Variants in FARS2 observed in about 807,000 individuals in gnomAD.
FARS2 encodes phenylalanyl-tRNA synthetase 2, mitochondrial, also known as phenylalanine--tRNA ligase, mitochondrial.
In FARS2, 40 loss-of-function variants were observed where a neutral mutation model predicts 46.4. The observed-to-expected ratio is 0.86, with a 90% CI of 0.67 to 1.12. The LOEUF (loss-of-function observed/expected upper bound fraction) is 1.12, where lower values mean the gene tolerates loss of function less well. Among genes scored for constraint, FARS2 ranks in the 50% most tolerant of loss-of-function variants. The pLI, the probability that FARS2 is intolerant of heterozygous loss-of-function variation, is 0.00. For synonymous variants in FARS2, 234 were observed against 214.9 expected, an observed-to-expected ratio of 1.09 and a Z score of -0.78; for missense variants, 513 against 567.9, an observed-to-expected ratio of 0.90 and a Z score of 0.98.
At position 5,517,959 on chromosome 6, in the gene FARS2, A is replaced by G. The variant is rs368533529; in HGVS notation, c.905-27221A>G. On this transcript the variant is annotated intron_variant, in intron 4 of 6. Transcript: ENST00000274680. ...ATACAGGAAGATGTGGTAGGAGTTG[A>G]CGGTTCAGAGAGTGGCAGAAATTAG... Among the ~76,000 whole-genome samples, 32 of 152,310 alleles carry G rather than the reference A, an allele frequency of 2.1e-4. 1 individual carries two copies. The South Asian group carries it at 4.6e-3, about 22-fold the overall frequency.
chr6:5,437,241 A>G (rs1390590282), intron 4 of FARS2, among the ~76,000 whole-genome samples: 1 of 152,158 alleles, frequency 6.6e-6, no homozygotes. Context: ...CTGTGTATCA[A>G]TTTATTCCTT....
At chr6:5,332,074 T>G (rs1458510370) in intron 1 of FARS2, among the ~76,000 whole-genome samples, 1 of 152,212 alleles carries the variant, frequency 6.6e-6, no homozygotes. Flanking sequence ...GACAGGAAAC[T>G]AAATCCCTGA....
intron 1 of FARS2, among the ~76,000 whole-genome samples, chr6:5,313,139 T>G (rs991333735): frequency 6.6e-6 from 1 of 152,188 alleles, no homozygotes; most frequent in Admixed American, 6.5e-5. Flanking sequence ...TTTACACATA[T>G]AGTGGTTCAT....
chr6:5,262,360 C>G (rs1027801076), intron 1 of FARS2, among the ~76,000 whole-genome samples: 5 of 152,116 alleles, frequency 3.3e-5, no homozygotes, highest in African/African-American at 1.2e-4. Context: ...CTCACTGCAA[C>G]CTATGCCTCC....
intron 4 of FARS2, among the ~76,000 whole-genome samples, chr6:5,543,376 G>GTT (rs1224288643): frequency 6.2e-5 from 6 of 96,196 alleles, no homozygotes; most frequent in Non-Finnish European, 6.6e-5. Flanking sequence ...TGTTGGTGGT[G>GTT]GTTTTTTTTT....
intron 6 of FARS2, among the ~76,000 whole-genome samples, chr6:5,652,388 A>G (rs1777411058): frequency 6.6e-6 from 1 of 152,246 alleles, no homozygotes; most frequent in Non-Finnish European, 1.5e-5. Context: ...GAACTTTGAT[A>G]AAAATAAAAG....
At chr6:5,330,770 G>C (rs1770744721) in intron 1 of FARS2, among the ~76,000 whole-genome samples, 1 of 152,166 alleles carries the variant, frequency 6.6e-6, no homozygotes, top group Admixed American at 6.5e-5. Context: ...TATGTAGTTT[G>C]TAAATTCTAC....
intron 6 of FARS2, among the ~76,000 whole-genome samples, chr6:5,692,031 C>G (rs529973806): frequency 1.4e-4 from 21 of 152,340 alleles, no homozygotes; most frequent in Admixed American, 6.5e-4. Flanking sequence ...GCTAAGACCA[C>G]TGGAAAAGCA....
chr6:5,707,906 T>C (rs537584048), intron 6 of FARS2, among the ~76,000 whole-genome samples: 1 of 152,240 alleles, frequency 6.6e-6, no homozygotes, highest in East Asian at 1.9e-4. Context: ...GGTGCCGCCG[T>C]GGGAGCCCGG....
rs151052077 is a variant in FARS2, at chr6:5,435,505, G to A, written c.904+4333G>A. Among the ~76,000 whole-genome samples the A allele has an allele frequency of 7.9e-5, 12 of 152,330 alleles. No individual in the cohort carries two copies. The East Asian group carries it at 1.9e-3, about 24-fold the overall frequency. On this transcript the variant is annotated intron_variant, in intron 4 of 6. Coordinates refer to ENST00000274680, the MANE Select transcript of FARS2 (RefSeq NM_006567.5). Reference sequence around the variant, plus strand: ...TACTTTATTTCTTCTTCCTTAAGTCGTAGTGTCTTCACCGTTGATTTCTGG... The same window carrying A: ...TACTTTATTTCTTCTTCCTTAAGTCATAGTGTCTTCACCGTTGATTTCTGG...
chr6:5,465,077 C>G (rs1031256758), intron 4 of FARS2, among the ~76,000 whole-genome samples: 13 of 152,048 alleles, frequency 8.5e-5, no homozygotes, highest in African/African-American at 2.9e-4. Context: ...ATTTTCATTT[C>G]TTGGAGGCAT....
Position 5,717,932 on chromosome 6 carries a change from A to T in FARS2, c.1218-53359A>T, listed in dbSNP as rs1190143843. Among the ~76,000 whole-genome samples, 7 of 129,674 alleles carry T rather than the reference A, an allele frequency of 5.4e-5. 1 individual carries two copies. Among genetic ancestry groups the T allele is most frequent in the Non-Finnish European group, 8.1e-5 (5 of 61,898 alleles). 85.1% of individuals were successfully genotyped at this position (129,674 alleles called of 152,430 possible). On this transcript the variant is annotated intron_variant, in intron 6 of 6. Coordinates refer to ENST00000274680, the MANE Select transcript of FARS2 (RefSeq NM_006567.5). Reference sequence around the variant, plus strand: ...GCTATATATATATATATATATATATATATACAGAGTCTCACTCTGTCGCCC... The same window carrying T: ...GCTATATATATATATATATATATATTTATACAGAGTCTCACTCTGTCGCCC...
At chr6:5,714,250 G>A (rs1365600434) in intron 6 of FARS2, among the ~76,000 whole-genome samples, 1 of 152,180 alleles carries the variant, frequency 6.6e-6, no homozygotes. Context: ...CCAGGCAGAA[G>A]GCAATGTTGG....
Position 5,437,245 on chromosome 6 carries a change from A to C in FARS2, c.904+6073A>C, listed in dbSNP as rs79663218. Among the ~76,000 whole-genome samples the C allele has an allele frequency of 6.2e-3, 946 of 152,300 alleles. 2 individuals are homozygous for C. The highest frequency in any genetic ancestry group is 0.014 in the Middle Eastern group (4 of 294). On this transcript the variant is annotated intron_variant, in intron 4 of 6. Transcript: ENST00000274680. ...TGTTGTGTGTACTGTGTATCAATTT[A>C]TTCCTTTTTATTTGGAGTAGTGTTT...
At chr6:5,705,768 G>A (rs761440271) in intron 6 of FARS2, among the ~76,000 whole-genome samples, 35 of 152,072 alleles carry the variant, frequency 2.3e-4, no homozygotes, top group African/African-American at 6.5e-4. Context: ...CCCTCAGCTC[G>A]CGCCCCTGTG....
At chr6:5,605,783 T>C (rs1399889142) in intron 5 of FARS2, among the ~76,000 whole-genome samples, 2 of 151,554 alleles carry the variant, frequency 1.3e-5, no homozygotes, top group African/African-American at 2.4e-5. Context: ...AAAGAGACCA[T>C]TGGAGAAATA....
intron 4 of FARS2, among the ~76,000 whole-genome samples, chr6:5,491,489 A>G (rs973462079): frequency 6.6e-6 from 1 of 152,126 alleles, no homozygotes; most frequent in Non-Finnish European, 1.5e-5. Flanking sequence ...GTTAAGAATC[A>G]TGCGCCATTG....
chr6:5,422,532 C>G lies in FARS2; in HGVS notation c.773-8509C>G, dbSNP rs1270164261. Among the ~76,000 whole-genome samples, 9 of 152,320 alleles carry G rather than the reference C, an allele frequency of 5.9e-5. No individual in the cohort carries two copies. In the South Asian group the frequency reaches 6.2e-4, roughly 11 times the overall value. On this transcript the variant is annotated intron_variant, in intron 3 of 6. Transcript: ENST00000274680. ...CAGTGGAGGGCAGCATGGGGCTGTGCTGTCCCACACACCTGGTTCTGATCC... is the reference window on the plus strand; with the variant it reads ...CAGTGGAGGGCAGCATGGGGCTGTGGTGTCCCACACACCTGGTTCTGATCC...
At chr6:5,492,359 A>T (rs1767174509) in intron 4 of FARS2, among the ~76,000 whole-genome samples, 1 of 152,240 alleles carries the variant, frequency 6.6e-6, no homozygotes, top group Non-Finnish European at 1.5e-5. Flanking sequence ...TACAGGACTG[A>T]TTTATTAAGA....
Sources: allele counts gnomAD v4.1 joint callset (sites outside exome capture counted in the v4.1 genomes callset), GRCh38; gene constraint gnomAD v4.1.1; transcripts MANE v1.5; gene names NCBI Gene and HGNC (gene_info 2026-07-23, HGNC 2026-07-21).